The following AHCTF1 variants were observed in gnomAD, a reference collection of about 807,000 sequenced individuals.
AHCTF1 encodes AT-hook containing transcription factor 1.
AHCTF1 carries 24 observed loss-of-function variants against 248.4 expected under a neutral mutation model. The ratio of observed to expected loss-of-function variants is 0.10; its 90% CI spans 0.07 to 0.14. AHCTF1 has a LOEUF of 0.14. AHCTF1 is among the 10% of genes least tolerant of loss of function. The probability of loss-of-function intolerance (pLI) is 1.00; values close to 1 mark genes in which losing one functional copy is unlikely to be tolerated. For synonymous variants in AHCTF1, 786 were observed against 929.8 expected (o/e 0.85, Z 2.81); for missense variants, 2,206 against 2,636.2 (o/e 0.84, Z 3.57).
At chr1:246,896,052 T>C (rs999100798) in intron 12 of AHCTF1, 127 bp from the exon 13 acceptor site, 1 of 641,816 alleles carries the variant, frequency 1.6e-6, no homozygotes, top group African/African-American at 1.8e-5. Flanking sequence ...AGAAGGGCTA[T>C]AATCAAAAGA....
chr1:246,914,908 C>T (rs1558275267), intron 3 of AHCTF1, among the ~76,000 whole-genome samples: 1 of 152,218 alleles, frequency 6.6e-6, no homozygotes, highest in Non-Finnish European at 1.5e-5. Context: ...TCCATTTCTA[C>T]TGTCATTTCC....
intron 32 of AHCTF1, 92 bp from the exon 33 acceptor site, chr1:246,851,534 G>T: frequency 8.7e-7 from 1 of 1,154,882 alleles, no homozygotes; most frequent in Non-Finnish European, 1.2e-6. Flanking sequence ...TTGGCTGTGT[G>T]CCTTTTAAAA....
In AHCTF1 at chr1:246,907,715, A is replaced by G. The variant is rs1403837798; in HGVS notation, c.600T>C (p.Ile200=). ...LTGIPAEVPH[I]RESVMRQGRH... is the part of the protein sequence containing the mutation. Reference sequence around the variant, plus strand: ...GCCCTTGTCTCATTACACTTTCTCTAATGTGTGGTACTTCAGCTGGGATAC... The same window carrying G: ...GCCCTTGTCTCATTACACTTTCTCTGATGTGTGGTACTTCAGCTGGGATAC... The change falls in exon 5 of 36, where the codon ATT becomes ATC. Residue 200 remains isoleucine (I), a synonymous_variant. Coordinates refer to ENST00000648844, the MANE Select transcript of AHCTF1 (RefSeq NM_001323342.2). 1.2e-6 allele frequency: 2 copies of G among 1,613,972 alleles called. No individual in the cohort carries two copies. The highest frequency in any genetic ancestry group is 1.7e-6 in the Non-Finnish European group (2 of 1,179,944).
chr1:246,900,361 T>C lies in AHCTF1; in HGVS notation c.1226A>G (p.His409Arg), dbSNP rs768792256. 3 of 1,592,322 alleles carry C rather than the reference T, an allele frequency of 1.9e-6. No individual in the cohort carries two copies. The South Asian group carries it at 3.5e-5, about 19-fold the overall frequency. ...CCTTAACGAATCTGGCATTTGTGCATGATACCAACGATTTATATCAAAAAG... is the reference window on the plus strand; with the variant it reads ...CCTTAACGAATCTGGCATTTGTGCACGATACCAACGATTTATATCAAAAAG... ...LGLFDINRWY[H>R]AQMPDSLRSG... Residue 409 changes from histidine to arginine, a missense_variant, in exon 9 of 36, where the codon CAT becomes CGT. His to Arg is a conservative substitution (Grantham distance 29, BLOSUM62 0). Coordinates refer to ENST00000648844, the MANE Select transcript of AHCTF1 (RefSeq NM_001323342.2).
At chr1:246,894,918 G>A (rs1184510611) in intron 13 of AHCTF1, among the ~76,000 whole-genome samples, 170 bp from the exon 14 acceptor site, 2 of 151,950 alleles carry the variant, frequency 1.3e-5, no homozygotes, top group Admixed American at 6.6e-5. Flanking sequence ...CACGGAGCAC[G>A]TCATTTCAGG....
chr1:246,916,445 T>C (rs2103224090), intron 2 of AHCTF1, 50 bp from the exon 3 acceptor site: 5 of 1,514,136 alleles, frequency 3.3e-6, no homozygotes, highest in South Asian at 1.2e-5. Flanking sequence ...ACACAAAACA[T>C]GCAATAACGG....
chr1:246,890,890 C>T (rs1423697458), intron 16 of AHCTF1, 66 bp downstream of exon 16: 3 of 1,088,744 alleles, frequency 2.8e-6, no homozygotes, highest in Admixed American at 3.3e-5. Context: ...CATTAGAATA[C>T]AATAACAAAA....
chr1:246,842,628 A>C (rs1659957568), intron 35 of AHCTF1, 66 bp downstream of exon 35: 1 of 1,193,780 alleles, frequency 8.4e-7, no homozygotes, highest in African/African-American at 1.6e-5. Flanking sequence ...GGAGGATAGT[A>C]GGGTGGGGAC....
chr1:246,863,878 A>G, intron 27 of AHCTF1, 46 bp downstream of exon 27: 1 of 1,574,836 alleles, frequency 6.3e-7, no homozygotes. Flanking sequence ...TTGAAAAGTA[A>G]GAGCCATCTA....
rs1660638260 is a variant in AHCTF1, at chr1:246,850,665, C to G, written c.5341G>C (p.Glu1781Gln). Residue 1781 changes from glutamate (E) to glutamine (Q), a missense_variant, in exon 33 of 36, where the codon GAA becomes CAA. Physicochemically the swap from Glu to Gln is conservative, Grantham distance 29 (BLOSUM62 2). This residue lies in a region of AHCTF1 where 955 missense variants were observed against 1,055.6 expected (regional missense o/e 0.90). Coordinates refer to ENST00000648844, the MANE Select transcript of AHCTF1 (RefSeq NM_001323342.2). ...ATGTTTTCAGAAGCTTCAGAAATTT[C>G]TTTTGCCTTCCTAGTTTTCTTCCTG... ...SVRKKTRKAK[E>Q]ISEASENIYS... The G allele has an allele frequency of 6.2e-7, 1 of 1,613,932 alleles. No homozygotes were observed. The highest frequency in any genetic ancestry group is 8.5e-7 in the Non-Finnish European group (1 of 1,179,848).
intron 26 of AHCTF1, 32 bp downstream of exon 26, chr1:246,867,212 G>A (rs1283029293): frequency 4.2e-6 from 5 of 1,195,322 alleles, no homozygotes; most frequent in Non-Finnish European, 6.0e-6. Flanking sequence ...ATCTAACATT[G>A]TGTCTCTAAG....
At chr1:246,843,511 A>G (rs1660023555) in intron 34 of AHCTF1, among the ~76,000 whole-genome samples, 1 of 152,156 alleles carries the variant, frequency 6.6e-6, no homozygotes, top group African/African-American at 2.4e-5. Context: ...TGGACACTAG[A>G]ATTTAAAAAC....
intron 3 of AHCTF1, 24 bp from the exon 4 acceptor site, chr1:246,913,436 G>A: frequency 6.3e-7 from 1 of 1,579,866 alleles, no homozygotes; most frequent in Non-Finnish European, 8.6e-7. Context: ...TACGTGATTT[G>A]CTTTTCTTCT....
intron 12 of AHCTF1, among the ~76,000 whole-genome samples, chr1:246,897,559 A>G (rs1234335878): frequency 6.6e-6 from 1 of 152,218 alleles, no homozygotes; most frequent in Non-Finnish European, 1.5e-5. Flanking sequence ...TCAACTACAT[A>G]TCAAGGCTAT....
rs775030950 is a variant in AHCTF1 at position 246,853,255 on chromosome 1, T to G, written c.4399A>C (p.Ile1467Leu). ...LGDGGNSSLTISEGPIVSERR... is the reference protein window; with the variant it reads ...LGDGGNSSLTLSEGPIVSERR... Reference sequence around the variant, plus strand: ...TCAGAGACAATAGGACCTTCAGAGATAGTGAGCGAGGAGTTTCCACCATCA... The same window carrying G: ...TCAGAGACAATAGGACCTTCAGAGAGAGTGAGCGAGGAGTTTCCACCATCA... The change falls in exon 32 of 36, where the codon ATC becomes CTC. Residue 1467 changes from isoleucine (I) to leucine (L), a missense_variant. Physicochemically the swap from Ile to Leu is conservative, Grantham distance 5. Around this residue, in one of 6 missense-constraint regions of AHCTF1, gnomAD observed 955 missense variants for 1,055.6 expected, o/e 0.90. Transcript: ENST00000648844. 1 of 1,613,938 alleles carries G rather than the reference T, an allele frequency of 6.2e-7. No individual in the cohort carries two copies. The highest frequency in any genetic ancestry group is 1.1e-5 in the South Asian group (1 of 90,998).
At chr1:246,845,257 C>T (rs1399868831) in intron 33 of AHCTF1, among the ~76,000 whole-genome samples, 1 of 151,206 alleles carries the variant, frequency 6.6e-6, no homozygotes, top group East Asian at 1.9e-4. Flanking sequence ...TTTGTGGGTA[C>T]ACAGTAGGTG....
In AHCTF1 at chr1:246,839,620, G is replaced by C. The variant is rs1372652470; in HGVS notation, c.*1186C>G. The C allele has an allele frequency of 1.0e-5, 10 of 964,208 alleles. No homozygotes were observed. The highest frequency in any genetic ancestry group is 1.2e-5 in the Non-Finnish European group (10 of 810,404). 59.7% of individuals were successfully genotyped at this position (964,208 alleles called of 1,614,324 possible). ...AATTTCTCATTATCTGTATTATTTG[G>C]TAGAAAAATAAATGCAGAAAGCACA... On this transcript the variant is annotated 3_prime_UTR_variant, in exon 36 of 36. Transcript: ENST00000648844.
chr1:246,915,113 C>T (rs1422259668), intron 3 of AHCTF1, among the ~76,000 whole-genome samples: 18 of 152,244 alleles, frequency 1.2e-4, no homozygotes, highest in African/African-American at 4.1e-4. Context: ...AGGTGGATCA[C>T]GAGGTCAAGA....
chr1:246,880,758 T>TA (rs1255011909), intron 21 of AHCTF1, among the ~76,000 whole-genome samples: 1 of 152,050 alleles, frequency 6.6e-6, no homozygotes, highest in Admixed American at 6.6e-5. Flanking sequence ...AGCAGGAAAA[T>TA]ACTTTCAACT....
Sources: gnomAD v4.1 joint callset for allele counts (sites outside exome capture counted in the v4.1 genomes callset) on GRCh38, gnomAD v4.1.1 for gene constraint, gnomAD v4.1.1 regional missense constraint, MANE v1.5 for transcripts, NCBI Gene and HGNC (gene_info 2026-07-23, HGNC 2026-07-21) for gene names.